Variants in MECR observed in about 807,000 individuals in gnomAD.
MECR encodes the protein mitochondrial trans-2-enoyl-CoA reductase.
Under a neutral mutation model 49.1 loss-of-function variants are expected in MECR, and 37 were observed. The observed-to-expected ratio is 0.75, with a 90% CI of 0.58 to 0.99. The LOEUF (loss-of-function observed/expected upper bound fraction) is 0.99, where lower values mean the gene tolerates loss of function less well. Ranked by LOEUF, MECR falls within the 50% of genes least tolerant of loss-of-function variation. MECR has a pLI of 0.00. For synonymous variants in MECR, 198 were observed against 191.1 expected (o/e 1.04, Z -0.30); for missense variants, 470 against 479.6 (o/e 0.98, Z 0.19).
At chr1:29,177,987 C>T in the MECR span, among the ~76,000 whole-genome samples, 1 of 149,682 alleles carries the variant, frequency 6.7e-6, no homozygotes, top group Admixed American at 6.7e-5. Flanking sequence ...GCAACCTCCA[C>T]CTCCCAGGTT....
In MECR at chr1:29,216,414, A is replaced by T. The variant is rs3003636; in HGVS notation, c.274+174T>A. Among the ~76,000 whole-genome samples the T allele has an allele frequency of 0.83, 125,584 of 152,210 alleles. 52,393 individuals are homozygous for T. Among genetic ancestry groups the T allele is most frequent in the Middle Eastern group, 0.89 (263 of 294 alleles). On this transcript the variant is annotated intron_variant, in intron 2 of 9. Transcript: ENST00000263702. ...CCCACTGCAATCTTCTCAAAAAGCC[A>T]CACATTCCAGAAAAGGGAGGCCAGA... is the stretch of plus-strand genomic sequence containing the variant.
chr1:29,225,973 A>G (rs1681935546), intron 1 of MECR, among the ~76,000 whole-genome samples: 3 of 152,126 alleles, frequency 2.0e-5, no homozygotes, highest in Admixed American at 2.0e-4. Flanking sequence ...GTTCAAGACC[A>G]GCCTGGCCAA....
chr1:29,206,991 C>A, intron 3 of MECR, 86 bp from the exon 4 acceptor site: 1 of 1,483,644 alleles, frequency 6.7e-7, no homozygotes, highest in South Asian at 1.2e-5. Context: ...CAAGAAGCAT[C>A]CAGGATAGTG....
At chr1:29,192,070 AAC>A (rs951849110), downstream of MECR, among the ~76,000 whole-genome samples, 5 of 152,170 alleles carry the variant, frequency 3.3e-5, no homozygotes, top group Non-Finnish European at 1.5e-5. Flanking sequence ...CAGCAAGGGC[AAC>A]AGTGTGAGAC....
chr1:29,185,352 G>A, the MECR span, among the ~76,000 whole-genome samples: 2 of 152,066 alleles, frequency 1.3e-5, no homozygotes, highest in African/African-American at 2.4e-5. Context: ...GGGTTCACAC[G>A]GTTCTCCTGC....
chr1:29,188,630 C>G (rs1369632110), downstream of MECR, among the ~76,000 whole-genome samples: 2 of 149,644 alleles, frequency 1.3e-5, no homozygotes, highest in Non-Finnish European at 3.0e-5. Flanking sequence ...TTTTTTTTAG[C>G]AGGTAATGCC....
At chr1:29,169,683 C>T in the MECR span, 2 of 152,014 alleles carry the variant, frequency 1.3e-5, no homozygotes, top group South Asian at 2.1e-4. Context: ...TAAAGTAAAC[C>T]AACTGCTGAA....
the MECR span, chr1:29,169,833 A>G: frequency 6.6e-6 from 1 of 152,210 alleles, no homozygotes; most frequent in Non-Finnish European, 1.5e-5. Flanking sequence ...CTAAACACCA[A>G]ACAGTAAAAC....
At chr1:29,191,972 G>C (rs1157693812), downstream of MECR, among the ~76,000 whole-genome samples, 2 of 152,048 alleles carry the variant, frequency 1.3e-5, no homozygotes, top group African/African-American at 2.4e-5. Flanking sequence ...TACACCTGTA[G>C]TCCCAGCCAC....
intron 4 of MECR, among the ~76,000 whole-genome samples, chr1:29,205,630 G>C (rs1676383369): frequency 6.6e-6 from 1 of 151,348 alleles, no homozygotes. Context: ...AGGAGTTAGA[G>C]ACCAGCCTGG....
At chr1:29,194,428 C>T (rs185449412) in intron 9 of MECR, among the ~76,000 whole-genome samples, 137 of 152,276 alleles carry the variant, frequency 9.0e-4, no homozygotes, top group African/African-American at 3.2e-3. Flanking sequence ...CAGGCAGAGA[C>T]CACCCTTCAG....
chr1:29,182,345 C>G, the MECR span, among the ~76,000 whole-genome samples: 1 of 152,230 alleles, frequency 6.6e-6, no homozygotes, highest in Non-Finnish European at 1.5e-5. Context: ...TTCCTACCTT[C>G]CAGAGTTGTC....
At chr1:29,217,579 C>A (rs1465700745) in intron 1 of MECR, among the ~76,000 whole-genome samples, 1 of 152,060 alleles carries the variant, frequency 6.6e-6, no homozygotes, top group Non-Finnish European at 1.5e-5. Flanking sequence ...CCTGTGTTTT[C>A]CAAAACTCGC....
intron 4 of MECR, among the ~76,000 whole-genome samples, chr1:29,204,764 AG>A (rs750345564): frequency 6.6e-6 from 1 of 152,196 alleles, no homozygotes; most frequent in Non-Finnish European, 1.5e-5. Context: ...AGGTGGCTTT[AG>A]GGCATGGGAT....
At chr1:29,217,879 G>A (rs969830106) in intron 1 of MECR, among the ~76,000 whole-genome samples, 7 of 152,236 alleles carry the variant, frequency 4.6e-5, no homozygotes, top group Admixed American at 2.0e-4. Context: ...TTCACTCTGA[G>A]TGATGTCCCT....
chr1:29,226,042 G>A (rs1054479569), intron 1 of MECR, among the ~76,000 whole-genome samples: 12 of 151,994 alleles, frequency 7.9e-5, no homozygotes, highest in African/African-American at 1.9e-4. Flanking sequence ...GGTGGCACGC[G>A]CCTGTAATCC....
chr1:29,221,021 G>T, intron 1 of MECR: 1 of 567,620 alleles, frequency 1.8e-6, no homozygotes, highest in Non-Finnish European at 2.2e-6. Context: ...CGAAGTATCA[G>T]ATACTGTGCC....
chr1:29,181,559 C>T, the MECR span: 1 of 1,203,460 alleles, frequency 8.3e-7, no homozygotes, highest in Non-Finnish European at 1.1e-6. Context: ...TCCGCGCGGA[C>T]CAGGCGTCCC....
chr1:29,221,589 G>C (rs1188571186), intron 1 of MECR, among the ~76,000 whole-genome samples: 2 of 152,188 alleles, frequency 1.3e-5, no homozygotes, highest in African/African-American at 2.4e-5. Flanking sequence ...TTGGTGATCA[G>C]TTCCATGTGG....
Sources: gnomAD v4.1 joint callset for allele counts (sites outside exome capture counted in the v4.1 genomes callset) on GRCh38, gnomAD v4.1.1 for gene constraint, MANE v1.5 for transcripts, NCBI Gene and HGNC (gene_info 2026-07-23, HGNC 2026-07-21) for gene names.